Variants in IGLL5 observed in about 807,000 individuals in gnomAD.
IGLL5 encodes immunoglobulin lambda-like polypeptide 5.
Under a neutral mutation model 20.9 loss-of-function variants are expected in IGLL5, and 30 were observed. The observed-to-expected ratio is 1.44, with a 90% CI of 1.07 to 1.95. The LOEUF (loss-of-function observed/expected upper bound fraction) is 1.95, where lower values mean the gene tolerates loss of function less well. IGLL5 is among the 30% of genes most tolerant of loss of function. The pLI, the probability that IGLL5 is intolerant of heterozygous loss-of-function variation, is 0.00. For synonymous variants in IGLL5, 203 were observed against 117.3 expected, an observed-to-expected ratio of 1.73 and a Z score of -4.72; for missense variants, 475 against 270.7, an observed-to-expected ratio of 1.75 and a Z score of -5.30.
At chr22:22,888,384 A>G (rs188290642) in intron 1 of IGLL5, 125 bp downstream of exon 1, 4 of 779,776 alleles carry the variant, frequency 5.1e-6, no homozygotes, top group Non-Finnish European at 8.1e-6. Flanking sequence ...CTGGGCTGAC[A>G]CTGGCTTTAG....
intron 1 of IGLL5, among the ~76,000 whole-genome samples, chr22:22,888,652 G>A (rs2067627691): frequency 2.6e-5 from 4 of 151,292 alleles, no homozygotes; most frequent in Admixed American, 6.6e-5. Flanking sequence ...CTCTGCCCAT[G>A]TGCCTCCTGC....
intron 1 of IGLL5, among the ~76,000 whole-genome samples, chr22:22,890,614 G>A (rs1601612939): frequency 6.8e-6 from 1 of 146,394 alleles, no homozygotes; most frequent in African/African-American, 2.5e-5. Context: ...TGTACAAAGT[G>A]CACTTATATA....
intron 1 of IGLL5, among the ~76,000 whole-genome samples, chr22:22,890,207 G>C (rs2067784391): frequency 6.7e-6 from 1 of 148,280 alleles, no homozygotes; most frequent in Non-Finnish European, 1.5e-5. Context: ...TAAAGTAAAA[G>C]CAAGTGCTTC....
At chr22:22,889,669 C>G (rs2067743797) in intron 1 of IGLL5, among the ~76,000 whole-genome samples, 1 of 151,262 alleles carries the variant, frequency 6.6e-6, no homozygotes, top group Admixed American at 6.6e-5. Context: ...CTCACTGCAG[C>G]CTCAACCTCC....
At chr22:22,888,866 G>A (rs567386376) in intron 1 of IGLL5, among the ~76,000 whole-genome samples, 5 of 151,426 alleles carry the variant, frequency 3.3e-5, no homozygotes, top group South Asian at 2.1e-4. Context: ...AGGGAGAGGG[G>A]ATCTCCCTCT....
chr22:22,890,397 A>T (rs6003372), intron 1 of IGLL5, among the ~76,000 whole-genome samples: 1 of 149,798 alleles, frequency 6.7e-6, no homozygotes, highest in East Asian at 2.1e-4. Context: ...TCTGCATATT[A>T]CCAACTTTTA....
chr22:22,893,960 G>C lies in IGLL5; in HGVS notation c.325+142G>C, dbSNP rs1198262247. ...ACCTTTCTCCATGGGGCCTGGAGGAGGTGCATTAGTCTCCGGGTAACCGGC... is the reference window on the plus strand; with the variant it reads ...ACCTTTCTCCATGGGGCCTGGAGGACGTGCATTAGTCTCCGGGTAACCGGC... On this transcript the variant is annotated intron_variant, in intron 2 of 2. Coordinates refer to ENST00000526893, the MANE Select transcript of IGLL5 (RefSeq NM_001178126.2). The C allele has an allele frequency of 7.7e-5, 54 of 698,616 alleles. 2 individuals are homozygous for C. The highest frequency in any genetic ancestry group is 4.8e-4 in the East Asian group (18 of 37,656). The allele number at this position is 698,616 out of a possible 1,614,324, so 43.3% of individuals were successfully genotyped here. A position where few individuals can be genotyped will look rare whatever the true frequency, so the allele number is the denominator to read the frequency against.
rs185781522 is a variant in IGLL5 at position 22,888,258 on chromosome 22, A to C, written c.205A>C (p.Arg69=). ...ATCCAGCCTGCGGAGCCTGTGGGGC[A>C]GGTAAGGGGCAAGAGATTCCAGGGG... The part of the protein sequence containing the change: ...SRSSLRSLWG[R]LLLQPSPQRA... Residue 69 remains arginine, a splice_region_variant and synonymous_variant, in exon 1 of 3, where the codon AGG becomes CGG. Transcript: ENST00000526893. 2 of 1,547,332 alleles carry C rather than the reference A, an allele frequency of 1.3e-6. No homozygotes were observed. The highest frequency in any genetic ancestry group is 1.4e-5 in the African/African-American group (1 of 72,822).
chr22:22,889,403 A>T (rs147697926), intron 1 of IGLL5, among the ~76,000 whole-genome samples: 3 of 151,290 alleles, frequency 2.0e-5, no homozygotes, highest in East Asian at 2.0e-4. Context: ...AAGTGTGTTT[A>T]TCTAAACTGG....
Position 22,893,769 on chromosome 22 carries a change from TCA to T in IGLL5, c.277_278del (p.Gln93ValfsTer32), listed in dbSNP as rs756981545. On this transcript the variant is annotated frameshift_variant, in exon 2 of 3. Coordinates refer to ENST00000526893, the MANE Select transcript of IGLL5 (RefSeq NM_001178126.2). LOFTEE classifies it high-confidence loss of function. ...CWPRGFWSEP[Q>X]SLCYVFGTGT... ...GGCCCCGGGGGTTTTGGTCTGAGCC[TCA>T]GTCACTGTGTTATGTCTTCGGAACT... The T allele has an allele frequency of 1.9e-6, 3 of 1,605,670 alleles. No homozygotes were observed. The highest frequency in any genetic ancestry group is 1.1e-5 in the South Asian group (1 of 90,650).
rs539263532 is a variant in IGLL5, at chr22:22,895,415, C to T, written c.366C>T (p.Pro122=). Residue 122 remains proline (P), a synonymous_variant, in exon 3 of 3, where the codon CCC becomes CCT. Transcript: ENST00000526893. ...KANPTVTLFP[P]SSEELQANKA... ...ACCCCACTGTCACTCTGTTCCCGCC[C>T]TCCTCTGAGGAGCTCCAAGCCAACA... is the stretch of plus-strand genomic sequence containing the variant. 6.2e-7 allele frequency: 1 copy of T among 1,612,990 alleles called. No homozygotes were observed. The highest frequency in any genetic ancestry group is 1.1e-5 in the South Asian group (1 of 91,028).
chr22:22,888,759 A>T (rs752597240), intron 1 of IGLL5, among the ~76,000 whole-genome samples: 5 of 151,254 alleles, frequency 3.3e-5, no homozygotes, highest in South Asian at 2.1e-4. Flanking sequence ...ATAAATGCTT[A>T]CTGGGGCCAG....
intron 2 of IGLL5, among the ~76,000 whole-genome samples, chr22:22,894,311 T>C (rs2068015043): frequency 6.7e-6 from 1 of 150,144 alleles, no homozygotes; most frequent in African/African-American, 2.4e-5. Context: ...GACACAGAGG[T>C]CACCCCAAGG....
Position 22,895,384 on chromosome 22 carries a change from A to C in IGLL5, c.335A>C (p.Lys112Thr). ...GTKVTVLGQP[K>T]ANPTVTLFPP... ...TTCCCTGTCCACACAGGTCAGCCCA[A>C]GGCCAACCCCACTGTCACTCTGTTC... Residue 112 changes from lysine (K) to threonine (T), a missense_variant, in exon 3 of 3, where the codon AAG becomes ACG. Lys to Thr is a moderately conservative substitution (Grantham distance 78). Transcript: ENST00000526893. 3 of 1,612,834 alleles carry C rather than the reference A, an allele frequency of 1.9e-6. No individual in the cohort carries two copies. Among genetic ancestry groups the C allele is most frequent in the Non-Finnish European group, 2.5e-6 (3 of 1,179,476 alleles).
chr22:22,887,938 A>C lies in IGLL5; in HGVS notation c.-116A>C, dbSNP rs1237164557. On this transcript the variant is annotated 5_prime_UTR_variant, in exon 1 of 3. Transcript: ENST00000526893. ...CAGAGCCAGTCCAGGGAGAGGACAG[A>C]GCCAATGGACTGGGGTGTACTGTAA... is the stretch of plus-strand genomic sequence containing the variant. 1 of 830,450 alleles carries C rather than the reference A, an allele frequency of 1.2e-6. No individual in the cohort carries two copies. The highest frequency in any genetic ancestry group is 2.0e-5 in the Admixed American group (1 of 49,636). 51.4% of individuals were successfully genotyped at this position (830,450 alleles called of 1,614,324 possible). A position where few individuals can be genotyped will look rare whatever the true frequency, so the allele number is the denominator to read the frequency against.
At chr22:22,894,753 G>A (rs577908137) in intron 2 of IGLL5, among the ~76,000 whole-genome samples, 6 of 151,332 alleles carry the variant, frequency 4.0e-5, no homozygotes, top group Middle Eastern at 3.8e-3. Flanking sequence ...CTGTGGTCGG[G>A]CTTGTGGAGA....
chr22:22,888,579 T>G, intron 1 of IGLL5, among the ~76,000 whole-genome samples: 1 of 151,260 alleles, frequency 6.6e-6, no homozygotes, highest in Admixed American at 6.6e-5. Flanking sequence ...GGACAGGACA[T>G]CCACAGGGGG....
At chr22:22,888,306 C>T (rs538603563) in intron 1 of IGLL5, 47 bp downstream of exon 1, 61 of 1,526,168 alleles carry the variant, frequency 4.0e-5, no homozygotes, top group Middle Eastern at 4.7e-4. Flanking sequence ...TGCAGCAGAG[C>T]TGGGAAAGGG....
Position 22,887,820 on chromosome 22 carries a change from C to A in IGLL5, c.-234C>A. On this transcript the variant is annotated 5_prime_UTR_variant, in exon 1 of 3. Transcript: ENST00000526893. ...GAGGCAGTTGAGCCCTGGATTGTGA[C>A]CGCTTCAGGGCAGTTGGTAGATGCC... The A allele has an allele frequency of 1.4e-5, 8 of 591,710 alleles. No homozygotes were observed. Among genetic ancestry groups the A allele is most frequent in the Non-Finnish European group, 2.4e-5 (8 of 330,652 alleles). 36.7% of individuals were successfully genotyped at this position (591,710 alleles called of 1,614,324 possible). A position where few individuals can be genotyped will look rare whatever the true frequency, so the allele number is the denominator to read the frequency against.
Sources: allele counts gnomAD v4.1 joint callset (sites outside exome capture counted in the v4.1 genomes callset), GRCh38; gene constraint gnomAD v4.1.1; transcripts MANE v1.5; gene names NCBI Gene and HGNC (gene_info 2026-07-23, HGNC 2026-07-21).